CFAP57: variants seen among roughly 807,000 people sequenced by gnomAD.
CFAP57 encodes the protein cilia and flagella associated protein 57.
In CFAP57, 116 loss-of-function variants were observed where a neutral mutation model predicts 146.8. That is an observed-to-expected ratio of 0.79 (90% CI 0.68 to 0.92). The LOEUF is 0.92. Among genes scored for constraint, CFAP57 ranks in the 40% least tolerant of loss-of-function variants. CFAP57 has a pLI of 0.00. For synonymous variants in CFAP57, 518 were observed against 552.8 expected (o/e 0.94, Z 0.88); for missense variants, 1,377 against 1,527.2 (o/e 0.90, Z 1.64).
At position 43,204,278 on chromosome 1, in the gene CFAP57, C is replaced by T. The variant is rs140886549; in HGVS notation, c.1543-2442C>T. Among the ~76,000 whole-genome samples the T allele has an allele frequency of 3.3e-3, 502 of 152,228 alleles. 10 individuals are homozygous for T. The highest frequency in any genetic ancestry group is 3.4e-3 in the Middle Eastern group (1 of 294). Reference sequence around the variant, plus strand: ...GCGTAGTTTCCTTTAGTTAATTGAACTTATTTGTATTAGCTACTTTGAAGT... The same window carrying T: ...GCGTAGTTTCCTTTAGTTAATTGAATTTATTTGTATTAGCTACTTTGAAGT... On this transcript the variant is annotated intron_variant, in intron 9 of 22. Coordinates refer to ENST00000372492, the MANE Select transcript of CFAP57 (RefSeq NM_001378189.1).
At chr1:43,224,300 A>G (rs1303177556) in intron 17 of CFAP57, 96 bp downstream of exon 17, 1 of 1,372,534 alleles carries the variant, frequency 7.3e-7, no homozygotes, top group Non-Finnish European at 9.6e-7. Context: ...GCTTCTCAGG[A>G]CGCATTTCTT....
chr1:43,173,558 T>C (rs1181873483), intron 2 of CFAP57, among the ~76,000 whole-genome samples: 2 of 152,250 alleles, frequency 1.3e-5, no homozygotes, highest in African/African-American at 4.8e-5. Flanking sequence ...TTACCAGTTC[T>C]AGTGCTTCTC....
rs1047605840 is a variant in CFAP57, at chr1:43,181,596, A to C, written c.220A>C (p.Ile74Leu). 1.9e-6 allele frequency: 3 copies of C among 1,614,100 alleles called. No individual in the cohort carries two copies. In the African/African-American group the frequency reaches 4.0e-5, roughly 22 times the overall value. ...SISPNRRYLA[I>L]SETVQEKPAI... ...CAGTCCCAATCGGCGGTACCTCGCT[A>C]TCTCTGAGACTGTGCAAGAAAAACC... The change falls in exon 3 of 23, where the codon ATC becomes CTC. Residue 74 changes from isoleucine to leucine, a missense_variant. Ile to Leu is a conservative substitution (Grantham distance 5). Transcript: ENST00000372492.
chr1:43,232,306 G>A, intron 18 of CFAP57: 1 of 597,192 alleles, frequency 1.7e-6, no homozygotes, highest in East Asian at 2.8e-5. Context: ...CGTGATGCTG[G>A]TTTAGCATAT....
chr1:43,251,194 G>A (rs561909984), intron 22 of CFAP57, among the ~76,000 whole-genome samples: 1 of 152,332 alleles, frequency 6.6e-6, no homozygotes, highest in South Asian at 2.1e-4. Flanking sequence ...TCAAGGTCCT[G>A]GTGCTTGCAG....
intron 12 of CFAP57, among the ~76,000 whole-genome samples, chr1:43,216,971 A>C (rs1222505833): frequency 6.6e-6 from 1 of 152,244 alleles, no homozygotes; most frequent in Non-Finnish European, 1.5e-5. Context: ...AGTGGAATGA[A>C]GTGTCATGAA....
intron 13 of CFAP57, 142 bp from the exon 14 acceptor site, chr1:43,221,230 C>G: frequency 2.0e-6 from 1 of 497,168 alleles, no homozygotes; most frequent in Non-Finnish European, 3.6e-6. Context: ...GTGGTTGCTG[C>G]TTCATAGAAC....
chr1:43,215,205 G>T (rs530323355), intron 11 of CFAP57, 50 bp from the exon 12 acceptor site: 12 of 1,549,428 alleles, frequency 7.7e-6, no homozygotes, highest in Non-Finnish European at 1.0e-5. Context: ...CTCAGCCCTG[G>T]TCATCTGTGG....
chr1:43,252,034 G>A (rs1646337288), intron 22 of CFAP57, among the ~76,000 whole-genome samples: 1 of 152,086 alleles, frequency 6.6e-6, no homozygotes, highest in Non-Finnish European at 1.5e-5. Flanking sequence ...TTGACTATGA[G>A]CATATATAAT....
intron 21 of CFAP57, 98 bp downstream of exon 21, chr1:43,234,736 C>A: frequency 7.1e-7 from 1 of 1,408,234 alleles, no homozygotes; most frequent in Non-Finnish European, 9.4e-7. Flanking sequence ...TTCAGGGCTC[C>A]CCAGGTGTCT....
chr1:43,206,346 C>A (rs1479890949), intron 9 of CFAP57: 2 of 212,366 alleles, frequency 9.4e-6, no homozygotes, highest in Admixed American at 5.2e-5. Context: ...AGGTTCTTAC[C>A]GTGCCATTCC....
intron 21 of CFAP57, among the ~76,000 whole-genome samples, chr1:43,242,391 T>C (rs1645959685): frequency 6.6e-6 from 1 of 152,248 alleles, no homozygotes; most frequent in Non-Finnish European, 1.5e-5. Context: ...ACATAGTATC[T>C]CCATAATATT....
chr1:43,216,750 C>A (rs1314599735), intron 12 of CFAP57, among the ~76,000 whole-genome samples: 1 of 152,172 alleles, frequency 6.6e-6, no homozygotes, highest in Non-Finnish European at 1.5e-5. Context: ...AAGCATGTTC[C>A]CAGAATTCCC....
At chr1:43,218,543 G>A (rs1041031775) in intron 12 of CFAP57, among the ~76,000 whole-genome samples, 2 of 152,058 alleles carry the variant, frequency 1.3e-5, no homozygotes, top group African/African-American at 4.8e-5. Context: ...AGGAGGTCAA[G>A]GCTACAGTGA....
rs777417639 is a variant in CFAP57 at position 43,229,398 on chromosome 1, G to A, written c.3009+2272G>A. On this transcript the variant is annotated intron_variant, in intron 18 of 22. Coordinates refer to ENST00000372492, the MANE Select transcript of CFAP57 (RefSeq NM_001378189.1). ...CCTCCTTTCGCTGGTGCCAGTTGCT[G>A]TCAGGACTGATACCTGGGCCTGGGT... Among the ~76,000 whole-genome samples, 8 of 148,606 alleles carry A rather than the reference G, an allele frequency of 5.4e-5. 1 individual carries two copies. Among genetic ancestry groups the A allele is most frequent in the Non-Finnish European group, 1.0e-4 (7 of 67,570 alleles).
intron 4 of CFAP57, among the ~76,000 whole-genome samples, chr1:43,184,709 C>T (rs1645567571): frequency 6.9e-6 from 1 of 144,104 alleles, no homozygotes; most frequent in South Asian, 2.3e-4. Flanking sequence ...CACCCATTTT[C>T]ACTACCATCC....
At chr1:43,190,707 A>AT (rs140467050) in intron 6 of CFAP57, among the ~76,000 whole-genome samples, 28,467 of 139,838 alleles carry the variant, frequency 0.2, 3,022 homozygotes, top group Middle Eastern at 0.3. Flanking sequence ...ATTTTGTCAC[A>AT]TTTTTTTTTT....
At chr1:43,250,586 T>C (rs1024646900) in intron 22 of CFAP57, among the ~76,000 whole-genome samples, 5 of 152,200 alleles carry the variant, frequency 3.3e-5, no homozygotes, top group Admixed American at 3.3e-4. Flanking sequence ...TGATTTCCCA[T>C]GACTATATCA....
chr1:43,226,958 C>G (rs961264470), intron 17 of CFAP57, 25 bp from the exon 18 acceptor site: 2 of 1,477,620 alleles, frequency 1.4e-6, no homozygotes, highest in African/African-American at 2.8e-5. Flanking sequence ...CAATATCTCT[C>G]ACTTCTCTCT....
Sources: gnomAD v4.1 joint callset for allele counts (sites outside exome capture counted in the v4.1 genomes callset) on GRCh38, gnomAD v4.1.1 for gene constraint, MANE v1.5 for transcripts, NCBI Gene and HGNC (gene_info 2026-07-23, HGNC 2026-07-21) for gene names.